Variants in NSD1 observed in about 807,000 individuals in gnomAD.
NSD1 encodes the protein nuclear receptor binding SET domain protein 1, also known as histone-lysine N-methyltransferase, H3 lysine-36 specific.
Under a neutral mutation model 242.7 loss-of-function variants are expected in NSD1, and 26 were observed. That is an observed-to-expected ratio of 0.11 (90% CI 0.08 to 0.15). NSD1 has a LOEUF of 0.15. NSD1 is among the 10% of genes least tolerant of loss of function. The pLI, the probability that NSD1 is intolerant of heterozygous loss-of-function variation, is 1.00. For synonymous variants in NSD1, 1,106 were observed against 1,178.1 expected (o/e 0.94, Z 1.25); for missense variants, 2,495 against 3,272.8 (o/e 0.76, Z 5.80).
intron 2 of NSD1, among the ~76,000 whole-genome samples, chr5:177,188,323 A>G (rs72813154): frequency 5.5e-4 from 83 of 152,198 alleles, no homozygotes; most frequent in Non-Finnish European, 1.0e-3. Flanking sequence ...GCCTGTTTCT[A>G]AGTTTATTTA....
In NSD1 at chr5:177,211,431, G is replaced by A. The variant is rs770312352; in HGVS notation, c.3032G>A (p.Ser1011Asn). Residue 1011 changes from serine to asparagine, a missense_variant, in exon 5 of 23, where the codon AGT becomes AAT. By Grantham distance (46) the Ser-to-Asn change is conservative. This residue lies in a region of NSD1 where 426 missense variants were observed against 411.4 expected (regional missense o/e 1.04). Transcript: ENST00000439151. ...DKRDLPASGK[S>N]RSDCVTRRNC... is the part of the protein sequence containing the mutation. Reference sequence around the variant, plus strand: ...AGAGACCTCCCTGCTTCTGGTAAAAGTCGTTCAGACTGTGTTACTAGGCGC... The same window carrying A: ...AGAGACCTCCCTGCTTCTGGTAAAAATCGTTCAGACTGTGTTACTAGGCGC... 1 of 1,614,044 alleles carries A rather than the reference G, an allele frequency of 6.2e-7. No individual in the cohort carries two copies. The highest frequency in any genetic ancestry group is 1.3e-5 in the African/African-American group (1 of 74,924).
At chr5:177,266,024 T>C (rs1459751172) in intron 14 of NSD1, 1 of 1,040,396 alleles carries the variant, frequency 9.6e-7, no homozygotes, top group Non-Finnish European at 1.5e-6. Context: ...GCAAGATATA[T>C]CGAAGCCATA....
intron 5 of NSD1, among the ~76,000 whole-genome samples, chr5:177,213,388 A>C (rs1443297681): frequency 6.6e-6 from 1 of 152,256 alleles, no homozygotes; most frequent in African/African-American, 2.4e-5. Context: ...GTTGTGCAAC[A>C]ATCAGTGCGA....
chr5:177,173,556 C>T (rs184080905), intron 2 of NSD1, among the ~76,000 whole-genome samples: 101 of 149,366 alleles, frequency 6.8e-4, no homozygotes, highest in Middle Eastern at 7.2e-3. Flanking sequence ...TCACCGCAAC[C>T]TCTGCCTTCT....
chr5:177,153,483 G>A (rs985528691), intron 2 of NSD1, among the ~76,000 whole-genome samples: 3 of 151,590 alleles, frequency 2.0e-5, no homozygotes, highest in Non-Finnish European at 2.9e-5. Flanking sequence ...TTTACTGTTT[G>A]TATTTTTTTC....
intron 5 of NSD1, among the ~76,000 whole-genome samples, chr5:177,223,993 C>T (rs1383624367): frequency 2.6e-5 from 4 of 151,936 alleles, no homozygotes; most frequent in Admixed American, 6.6e-5. Context: ...CTTGTCTCAA[C>T]AAAAAATAAA....
intron 12 of NSD1, among the ~76,000 whole-genome samples, chr5:177,253,868 A>T (rs924418398): frequency 1.4e-4 from 22 of 152,126 alleles, no homozygotes; most frequent in African/African-American, 4.3e-4. Flanking sequence ...AAGTCCTGGG[A>T]TCAAGCAGTC....
At chr5:177,240,401 G>T (rs923975714) in intron 8 of NSD1, among the ~76,000 whole-genome samples, 1 of 151,580 alleles carries the variant, frequency 6.6e-6, no homozygotes, top group South Asian at 2.1e-4. Flanking sequence ...AATACTTTTT[G>T]TGTTTTATTC....
chr5:177,141,138 C>T (rs1756776184), intron 2 of NSD1, among the ~76,000 whole-genome samples: 1 of 151,692 alleles, frequency 6.6e-6, no homozygotes, highest in South Asian at 2.1e-4. Flanking sequence ...TTCTCTGCCT[C>T]AGCCTCTGGA....
At position 177,294,699 on chromosome 5, in the gene NSD1, A is replaced by G. The variant is rs921266576; in HGVS notation, c.7331A>G (p.Gln2444Arg). Residue 2444 changes from glutamine (Q) to arginine (R), a missense_variant, in exon 23 of 23, where the codon CAG becomes CGG. By Grantham distance (43) the Gln-to-Arg change is conservative (BLOSUM62 1). This residue lies in a region of NSD1 where 475 missense variants were observed against 563.7 expected (regional missense o/e 0.84). Transcript: ENST00000439151. ...AKEKALRPVD[Q>R]NTQSKNRAAL... is the part of the protein sequence containing the mutation. ...GAAAAAGCACTGAGGCCTGTGGACC[A>G]GAATACTCAGTCAAAAAATAGAGCT... 2.4e-5 allele frequency: 39 copies of G among 1,614,136 alleles called. No homozygotes were observed. The highest frequency in any genetic ancestry group is 3.1e-5 in the Non-Finnish European group (37 of 1,180,044).
intron 11 of NSD1, among the ~76,000 whole-genome samples, 172 bp downstream of exon 11, chr5:177,248,496 T>C (rs931814515): frequency 6.6e-6 from 1 of 152,190 alleles, no homozygotes; most frequent in African/African-American, 2.4e-5. Context: ...CAAAGAAAGA[T>C]ACTTGGAGAA....
chr5:177,138,358 C>T (rs905500653), intron 2 of NSD1, among the ~76,000 whole-genome samples: 17 of 151,988 alleles, frequency 1.1e-4, no homozygotes, highest in Non-Finnish European at 2.2e-4. Flanking sequence ...TGGGTTCAAG[C>T]GATTCTCCCA....
At position 177,280,846 on chromosome 5, in the gene NSD1, C is replaced by CA; in HGVS notation, c.5892+12_5892+13insA. ...CAGATATTAAAAAGGTTAGAAAAAG[C>CA]TAAATTACCATATACTTTCTCCTCT... is the stretch of plus-strand genomic sequence containing the variant. On this transcript the variant is annotated intron_variant, in intron 18 of 22. Transcript: ENST00000439151. The CA allele has an allele frequency of 1.2e-6, 2 of 1,613,940 alleles. No homozygotes were observed. Among genetic ancestry groups the CA allele is most frequent in the Non-Finnish European group, 1.7e-6 (2 of 1,179,908 alleles).
chr5:177,190,925 C>T (rs537143078), intron 2 of NSD1, among the ~76,000 whole-genome samples: 131 of 151,412 alleles, frequency 8.7e-4, no homozygotes, highest in Non-Finnish European at 1.5e-3. Context: ...CCTCGGCCTC[C>T]CAAAGTGCTG....
chr5:177,266,957 C>T (rs538096594), intron 14 of NSD1, among the ~76,000 whole-genome samples: 2 of 152,288 alleles, frequency 1.3e-5, no homozygotes, highest in African/African-American at 4.8e-5. Context: ...TTCCGCCTCC[C>T]AGGTTCAAGC....
At chr5:177,245,163 G>A (rs1766179770) in intron 9 of NSD1, among the ~76,000 whole-genome samples, 1 of 152,182 alleles carries the variant, frequency 6.6e-6, no homozygotes, top group Non-Finnish European at 1.5e-5. Context: ...GAACCCGAGA[G>A]GTTGAGGCTA....
chr5:177,231,903 ATTATT>A (rs1765088583), intron 5 of NSD1, among the ~76,000 whole-genome samples: 1 of 151,866 alleles, frequency 6.6e-6, no homozygotes, highest in South Asian at 2.1e-4. Flanking sequence ...ATATATTATT[ATTATT>A]TTATTTTTAC....
chr5:177,247,168 G>C (rs1766363678), intron 10 of NSD1, among the ~76,000 whole-genome samples: 1 of 152,160 alleles, frequency 6.6e-6, no homozygotes, highest in Admixed American at 6.5e-5. Flanking sequence ...TGTGGCTCAC[G>C]CCTGTAATCC....
At chr5:177,271,118 G>C (rs1757914412) in intron 16 of NSD1, among the ~76,000 whole-genome samples, 1 of 152,056 alleles carries the variant, frequency 6.6e-6, no homozygotes, top group African/African-American at 2.4e-5. Context: ...GGGGTTTCTA[G>C]GTGCCTCTGA....
Sources: gnomAD v4.1 joint callset for allele counts (sites outside exome capture counted in the v4.1 genomes callset) on GRCh38, gnomAD v4.1.1 for gene constraint, gnomAD v4.1.1 regional missense constraint, MANE v1.5 for transcripts, NCBI Gene and HGNC (gene_info 2026-07-23, HGNC 2026-07-21) for gene names.